ACSS3: variants seen among roughly 807,000 people sequenced by gnomAD.
The protein encoded by ACSS3 is acyl-CoA synthetase short chain family member 3.
Under a neutral mutation model 84.2 loss-of-function variants are expected in ACSS3, and 64 were observed. The observed-to-expected ratio is 0.76, with a 90% CI of 0.62 to 0.94. The LOEUF is 0.94. ACSS3 is among the 40% of genes least tolerant of loss of function. The pLI is 0.00. For missense variants in ACSS3, 815 were observed against 867.6 expected (o/e 0.94, Z 0.76); for synonymous variants, 317 against 310.1 (o/e 1.02, Z -0.23).
At chr12:81,173,102 T>TGTC (rs1396342652) in intron 7 of ACSS3, among the ~76,000 whole-genome samples, 17 of 152,206 alleles carry the variant, frequency 1.1e-4, no homozygotes, top group African/African-American at 3.9e-4. Flanking sequence ...TAAGGCACAG[T>TGTC]GTCATACTCA....
At position 81,245,452 on chromosome 12, in the gene ACSS3, ACT is replaced by A. The variant is rs538748743; in HGVS notation, c.1720-7852_1720-7851del. On this transcript the variant is annotated intron_variant, in intron 13 of 15. Coordinates refer to ENST00000548058, the MANE Select transcript of ACSS3 (RefSeq NM_024560.4). ...ACTGCAGCCTGGGTGACAGAGTGAG[ACT>A]CTGTCTCAAAAAAACAAACAAACAA... Among the ~76,000 whole-genome samples, 15 of 152,230 alleles carry A rather than the reference ACT, an allele frequency of 9.9e-5. No homozygotes were observed. In the South Asian group the frequency reaches 2.5e-3, roughly 25 times the overall value.
At chr12:81,145,067 ATTTTTTTTTT>A (rs35753293) in intron 5 of ACSS3, among the ~76,000 whole-genome samples, 1 of 100,912 alleles carries the variant, frequency 9.9e-6, no homozygotes, top group Non-Finnish European at 1.9e-5. Context: ...CGCCTGGCTA[ATTTTTTTTTT>A]TTTTTTTTTT....
intron 9 of ACSS3, among the ~76,000 whole-genome samples, chr12:81,200,820 G>A (rs1401354614): frequency 2.0e-5 from 3 of 150,986 alleles, no homozygotes; most frequent in African/African-American, 7.3e-5. Flanking sequence ...CTTGAACCCA[G>A]GAGGAGGAGG....
Position 81,078,252 on chromosome 12 carries a change from C to A in ACSS3, c.132C>A (p.Gly44=), listed in dbSNP as rs890772833. ...CTTTAGTGGTCCCGGGCCCGCGGGG[C>A]GGTCTCGGGGGCCGGGGATGCAGGG... ...LRALVVPGPR[G]GLGGRGCRAL... The change falls in exon 1 of 16, where the codon GGC becomes GGA. Residue 44 remains glycine (G), a synonymous_variant. Coordinates refer to ENST00000548058, the MANE Select transcript of ACSS3 (RefSeq NM_024560.4). The A allele has an allele frequency of 1.9e-6, 3 of 1,607,936 alleles. No homozygotes were observed. The highest frequency in any genetic ancestry group is 2.5e-6 in the Non-Finnish European group (3 of 1,179,062).
chr12:81,171,632 G>A (rs1020028395), intron 7 of ACSS3, among the ~76,000 whole-genome samples: 1 of 152,008 alleles, frequency 6.6e-6, no homozygotes, highest in African/African-American at 2.4e-5. Context: ...TAATCCATAA[G>A]TATAATATTG....
chr12:81,254,836 T>C, intron 15 of ACSS3, 21 bp from the exon 16 acceptor site: 1 of 1,592,354 alleles, frequency 6.3e-7, no homozygotes, highest in South Asian at 1.1e-5. Flanking sequence ...AGTATTCACC[T>C]GACCCTAATT....
chr12:81,108,431 C>A (rs948429918), intron 1 of ACSS3, among the ~76,000 whole-genome samples: 4 of 151,976 alleles, frequency 2.6e-5, no homozygotes, highest in Non-Finnish European at 5.9e-5. Context: ...GCACCTGTCA[C>A]CATGCCTGGT....
chr12:81,160,152 T>C (rs1887077546), intron 7 of ACSS3, among the ~76,000 whole-genome samples: 1 of 152,262 alleles, frequency 6.6e-6, no homozygotes, highest in African/African-American at 2.4e-5. Context: ...GAGTAAGCCA[T>C]AAACTGGTTG....
At chr12:81,083,957 C>A (rs1593016443) in intron 1 of ACSS3, among the ~76,000 whole-genome samples, 1 of 151,734 alleles carries the variant, frequency 6.6e-6, no homozygotes, top group South Asian at 2.1e-4. Flanking sequence ...GACTCTGTCT[C>A]AAAAAAACAA....
intron 5 of ACSS3, among the ~76,000 whole-genome samples, chr12:81,144,260 A>G (rs1313210777): frequency 6.6e-6 from 1 of 152,192 alleles, no homozygotes; most frequent in Non-Finnish European, 1.5e-5. Context: ...GTTATGTTTT[A>G]GTATATTTTG....
At chr12:81,199,155 T>C (rs910474444) in intron 8 of ACSS3, among the ~76,000 whole-genome samples, 186 bp from the exon 9 acceptor site, 9 of 152,220 alleles carry the variant, frequency 5.9e-5, no homozygotes, top group African/African-American at 1.2e-4. Context: ...AATTCTGTGA[T>C]GTATGTTTGT....
chr12:81,098,976 C>T (rs1882287488), intron 1 of ACSS3, among the ~76,000 whole-genome samples: 1 of 152,034 alleles, frequency 6.6e-6, no homozygotes, highest in African/African-American at 2.4e-5. Flanking sequence ...ATAATGTTTC[C>T]CCTTCCTTCA....
chr12:81,190,071 A>C (rs1246614971), intron 8 of ACSS3, among the ~76,000 whole-genome samples: 5 of 152,168 alleles, frequency 3.3e-5, no homozygotes. Flanking sequence ...TTATCATTAT[A>C]GATTTATAAC....
At chr12:81,250,035 A>C (rs2034101338) in intron 13 of ACSS3, among the ~76,000 whole-genome samples, 1 of 152,066 alleles carries the variant, frequency 6.6e-6, no homozygotes, top group Non-Finnish European at 1.5e-5. Context: ...TTGTGGTGAG[A>C]CTATTGCCTT....
chr12:81,160,556 T>C (rs1416356405), intron 7 of ACSS3, among the ~76,000 whole-genome samples: 2 of 152,220 alleles, frequency 1.3e-5, no homozygotes, highest in Non-Finnish European at 1.5e-5. Flanking sequence ...ATTAAACCTC[T>C]TTGGTAGTTC....
intron 13 of ACSS3, among the ~76,000 whole-genome samples, chr12:81,237,555 G>A (rs1224775795): frequency 2.0e-5 from 3 of 151,286 alleles, no homozygotes; most frequent in Admixed American, 6.6e-5. Flanking sequence ...ATCTTATCCC[G>A]AGTATTTTGA....
intron 8 of ACSS3, among the ~76,000 whole-genome samples, chr12:81,191,884 T>C (rs1302239768): frequency 6.6e-6 from 1 of 152,190 alleles, no homozygotes; most frequent in Non-Finnish European, 1.5e-5. Context: ...CATTTTTCAG[T>C]TTAAATATTT....
intron 15 of ACSS3, among the ~76,000 whole-genome samples, chr12:81,254,158 G>A (rs2034237130): frequency 6.6e-6 from 1 of 152,052 alleles, no homozygotes; most frequent in Non-Finnish European, 1.5e-5. Context: ...TTGAATTCCT[G>A]GGCTCAAGCG....
At chr12:81,133,316 T>C (rs1885621465) in intron 2 of ACSS3, among the ~76,000 whole-genome samples, 1 of 152,096 alleles carries the variant, frequency 6.6e-6, no homozygotes, top group Non-Finnish European at 1.5e-5. Context: ...CTCCCAAGCC[T>C]CCTCTGTTCA....
Sources: allele counts gnomAD v4.1 joint callset (sites outside exome capture counted in the v4.1 genomes callset), GRCh38; gene constraint gnomAD v4.1.1; transcripts MANE v1.5; gene names NCBI Gene and HGNC (gene_info 2026-07-23, HGNC 2026-07-21).